The following CTNNA2 variants were observed in gnomAD, a reference collection of about 807,000 sequenced individuals.
The protein encoded by CTNNA2 is catenin alpha 2, also known as catenin alpha-2.
A neutral mutation model predicts 101.0 loss-of-function variants in CTNNA2; 42 were observed. That is an observed-to-expected ratio of 0.42 (90% CI 0.32 to 0.54). The LOEUF (loss-of-function observed/expected upper bound fraction) is 0.54, where lower values mean the gene tolerates loss of function less well. Among genes scored for constraint, CTNNA2 ranks in the 20% least tolerant of loss-of-function variants. The pLI is 0.14. For synonymous variants in CTNNA2, 450 were observed against 456.4 expected (o/e 0.99, Z 0.18); for missense variants, 871 against 1,223.1 (o/e 0.71, Z 4.29).
At position 79,812,392 on chromosome 2, in the gene CTNNA2, G is replaced by T. The variant is rs79865678; in HGVS notation, c.299-45621G>T. ...AGTTTTAACTGAGATTCCTTTATTGGGTTTAGGAAATCTCCTATTGCATGT... is the reference window on the plus strand; with the variant it reads ...AGTTTTAACTGAGATTCCTTTATTGTGTTTAGGAAATCTCCTATTGCATGT... On this transcript the variant is annotated intron_variant, in intron 3 of 18. Transcript: ENST00000402739. 1.0e-2 allele frequency among the ~76,000 whole-genome samples: 1,514 copies of T among 152,104 alleles called. 49 individuals are homozygous for T. Among genetic ancestry groups the T allele is most frequent in the East Asian group, 0.096 (497 of 5,160 alleles).
chr2:79,340,833 CAAAAAAAAA>C (rs56276462), intron 3 of CTNNA2, among the ~76,000 whole-genome samples: 42 of 32,538 alleles, frequency 1.3e-3, no homozygotes, highest in South Asian at 1.8e-3. Context: ...GACTCAGTCT[CAAAAAAAAA>C]AAAAAAAAAA....
chr2:80,450,526 G>A (rs1220255534), intron 9 of CTNNA2, among the ~76,000 whole-genome samples: 1 of 152,062 alleles, frequency 6.6e-6, no homozygotes, highest in Non-Finnish European at 1.5e-5. Context: ...TCTTCTCAAG[G>A]AATTCTTGTA....
intron 3 of CTNNA2, among the ~76,000 whole-genome samples, chr2:79,325,683 A>G (rs954411507): frequency 2.6e-5 from 4 of 152,176 alleles, no homozygotes; most frequent in African/African-American, 9.6e-5. Flanking sequence ...TTATAGCAGC[A>G]TCACCTTCTC....
chr2:79,856,916 T>C (rs974953560), intron 3 of CTNNA2, among the ~76,000 whole-genome samples: 11 of 152,196 alleles, frequency 7.2e-5, no homozygotes, highest in Non-Finnish European at 1.2e-4. Context: ...CTGGTCTTTT[T>C]CCCCTCCAGT....
chr2:79,584,326 A>G (rs1368435907), intron 1 of CTNNA2, among the ~76,000 whole-genome samples: 1 of 152,138 alleles, frequency 6.6e-6, no homozygotes, highest in East Asian at 1.9e-4. Context: ...ATGGTTTCCT[A>G]GAAGTATCCA....
chr2:79,214,331 A>C (rs1405499769), intron 2 of CTNNA2, among the ~76,000 whole-genome samples: 1 of 152,152 alleles, frequency 6.6e-6, no homozygotes. Context: ...AGCATGTTTG[A>C]GATCTAGAAC....
chr2:79,667,161 A>G (rs1012964899), intron 2 of CTNNA2, among the ~76,000 whole-genome samples: 59 of 152,228 alleles, frequency 3.9e-4, no homozygotes, highest in African/African-American at 1.4e-3. Context: ...TTTTAAAGAT[A>G]AACTAGCCAT....
intron 3 of CTNNA2, among the ~76,000 whole-genome samples, chr2:79,750,194 C>T (rs762686487): frequency 6.6e-6 from 1 of 152,150 alleles, no homozygotes; most frequent in Non-Finnish European, 1.5e-5. Flanking sequence ...AATTCCAGAA[C>T]GTTTTCAGTG....
At chr2:80,264,384 A>C (rs1207139928) in intron 7 of CTNNA2, among the ~76,000 whole-genome samples, 1 of 152,182 alleles carries the variant, frequency 6.6e-6, no homozygotes, top group Admixed American at 6.5e-5. Context: ...AACAGTATCA[A>C]TATTTGTGTC....
chr2:79,463,199 G>T (rs905874674), intron 4 of CTNNA2, among the ~76,000 whole-genome samples: 1 of 152,086 alleles, frequency 6.6e-6, no homozygotes, highest in African/African-American at 2.4e-5. Context: ...ATCACCTGAG[G>T]TCAGGAGATT....
At chr2:79,590,537 C>T (rs566860589) in intron 1 of CTNNA2, among the ~76,000 whole-genome samples, 21 of 152,106 alleles carry the variant, frequency 1.4e-4, no homozygotes, top group African/African-American at 4.8e-4. Context: ...TTCCTTTATT[C>T]TCATCTATCA....
At chr2:80,625,016 A>G (rs550471669) in intron 18 of CTNNA2, among the ~76,000 whole-genome samples, 21 of 152,074 alleles carry the variant, frequency 1.4e-4, no homozygotes, top group South Asian at 8.3e-4. Flanking sequence ...ATTTACCTCA[A>G]GGCCTATTCT....
At position 80,199,344 on chromosome 2, in the gene CTNNA2, T is replaced by C. The variant is rs112314835; in HGVS notation, c.1057-193867T>C. Among the ~76,000 whole-genome samples, 322 of 152,218 alleles carry C rather than the reference T, an allele frequency of 2.1e-3. 2 individuals carry two copies. Among genetic ancestry groups the C allele is most frequent in the African/African-American group, 7.1e-3 (294 of 41,538 alleles). ...CAACTTGAAGACATGATCCCTGAAA[T>C]TGAAGAGAGTTAAGACATAGAGGGT... On this transcript the variant is annotated intron_variant, in intron 7 of 18. Coordinates refer to ENST00000402739, the MANE Select transcript of CTNNA2 (RefSeq NM_001282597.3).
intron 3 of CTNNA2, among the ~76,000 whole-genome samples, chr2:79,349,946 C>T (rs1007769836): frequency 6.6e-5 from 10 of 151,648 alleles, no homozygotes; most frequent in South Asian, 2.1e-4. Flanking sequence ...TGGTGGCGGG[C>T]GCCTGTAGTC....
intron 4 of CTNNA2, among the ~76,000 whole-genome samples, chr2:79,468,882 G>A (rs1203243210): frequency 1.3e-5 from 2 of 152,186 alleles, no homozygotes. Flanking sequence ...TGAAAGCAGT[G>A]TGTAGAGGGA....
chr2:79,267,956 G>C lies in CTNNA2; in HGVS notation c.-405-44753G>C, dbSNP rs375856054. Among the ~76,000 whole-genome samples the C allele has an allele frequency of 3.9e-5, 6 of 152,222 alleles. No homozygotes were observed. In the East Asian group the frequency reaches 1.2e-3, roughly 30 times the overall value. The stretch of plus-strand genomic sequence containing the variant: ...GGAAGGGATCAAAAGGTTCATAGAG[G>C]TGAGCAAGGCAGAATTCACTTATTA... On this transcript the variant is annotated intron_variant, in intron 2 of 21. Transcript: ENST00000466387.
intron 5 of CTNNA2, among the ~76,000 whole-genome samples, chr2:79,507,584 T>A (rs2103815246): frequency 6.6e-6 from 1 of 152,318 alleles, no homozygotes; most frequent in African/African-American, 2.4e-5. Flanking sequence ...TTATTTTCTT[T>A]ATAAATAACC....
At chr2:79,556,713 G>GTTT (rs1674469738) in intron 1 of CTNNA2, among the ~76,000 whole-genome samples, 2 of 151,984 alleles carry the variant, frequency 1.3e-5, no homozygotes, top group African/African-American at 4.8e-5. Flanking sequence ...ATGGAATTTA[G>GTTT]AATTAGCGAA....
chr2:79,203,187 T>C (rs895533383), intron 2 of CTNNA2, among the ~76,000 whole-genome samples: 34 of 152,116 alleles, frequency 2.2e-4, no homozygotes, highest in African/African-American at 7.5e-4. Flanking sequence ...TTCTCCTCTT[T>C]GAAAGTTGGC....
Sources: allele counts gnomAD v4.1 joint callset (sites outside exome capture counted in the v4.1 genomes callset), GRCh38; gene constraint gnomAD v4.1.1; transcripts MANE v1.5; gene names NCBI Gene and HGNC (gene_info 2026-07-23, HGNC 2026-07-21).